PRKAG2: variants seen among roughly 807,000 people sequenced by gnomAD.
The protein encoded by PRKAG2 is protein kinase AMP-activated non-catalytic subunit gamma 2.
A neutral mutation model predicts 69.6 loss-of-function variants in PRKAG2; 26 were observed. That is an observed-to-expected ratio of 0.37 (90% CI 0.27 to 0.52). The LOEUF (loss-of-function observed/expected upper bound fraction) is 0.52. Ranked by LOEUF, PRKAG2 falls within the 20% of genes least tolerant of loss-of-function variation. The probability of loss-of-function intolerance (pLI) is 0.90; values close to 1 mark genes in which losing one functional copy is unlikely to be tolerated. For synonymous variants in PRKAG2, 293 were observed against 285.0 expected, an observed-to-expected ratio of 1.03 and a Z score of -0.28; for missense variants, 557 against 740.0, an observed-to-expected ratio of 0.75 and a Z score of 2.87.
At chr7:151,648,698 CT>C (rs1827961204) in intron 4 of PRKAG2, among the ~76,000 whole-genome samples, 2 of 152,128 alleles carry the variant, frequency 1.3e-5, no homozygotes, top group Admixed American at 1.3e-4. Context: ...GAGTCAAGTA[CT>C]GTAAAATAAT....
intron 1 of PRKAG2, among the ~76,000 whole-genome samples, chr7:151,858,577 T>A (rs2079842515): frequency 3.3e-5 from 5 of 152,124 alleles, no homozygotes; most frequent in Admixed American, 3.3e-4. Flanking sequence ...ACCACCCCTG[T>A]GCTACAGGAA....
rs1157767006 is a variant in PRKAG2 at position 151,719,311 on chromosome 7, G to T, written c.467-43674C>A. 1.3e-5 allele frequency among the ~76,000 whole-genome samples: 2 copies of T among 152,072 alleles called. No individual in the cohort carries two copies. The highest frequency in any genetic ancestry group is 4.8e-5 in the African/African-American group (2 of 41,424). On this transcript the variant is annotated intron_variant, in intron 3 of 15. Coordinates refer to ENST00000287878, the MANE Select transcript of PRKAG2 (RefSeq NM_016203.4). The surrounding 1 kb of genome is among the most constrained non-coding windows in gnomAD (Gnocchi z 5.2). ...ATCATACAAGTTCTTGGGCAAGTGG[G>T]ACTTTATGAAGGAGGTAGTCACAGA...
At chr7:151,687,901 C>T (rs972575243) in intron 3 of PRKAG2, among the ~76,000 whole-genome samples, 1 of 152,208 alleles carries the variant, frequency 6.6e-6, no homozygotes, top group Non-Finnish European at 1.5e-5. Context: ...GGCTGCCTCT[C>T]CGTGTCCACC....
intron 4 of PRKAG2, among the ~76,000 whole-genome samples, chr7:151,655,026 T>G (rs1194041046): frequency 1.3e-5 from 2 of 152,172 alleles, no homozygotes; most frequent in East Asian, 3.9e-4. Context: ...CTCTTGAAAA[T>G]GAAATATTCC....
At chr7:151,749,456 T>G (rs140819817) in intron 3 of PRKAG2, among the ~76,000 whole-genome samples, 1 of 152,204 alleles carries the variant, frequency 6.6e-6, no homozygotes, top group Non-Finnish European at 1.5e-5. Context: ...GAAGGTGACG[T>G]TGGTCATCAA....
intron 1 of PRKAG2, among the ~76,000 whole-genome samples, chr7:151,812,151 A>G (rs1356469293): frequency 6.6e-6 from 1 of 152,232 alleles, no homozygotes; most frequent in Non-Finnish European, 1.5e-5. Context: ...CTTCTAAGAA[A>G]TTAAGACCCC....
At chr7:151,683,110 C>A (rs1255023234) in intron 3 of PRKAG2, among the ~76,000 whole-genome samples, 1 of 152,252 alleles carries the variant, frequency 6.6e-6, no homozygotes, top group Non-Finnish European at 1.5e-5. Context: ...GGCAGCCAGG[C>A]CCAGTGAACA....
At chr7:151,778,831 ACTC>A (rs1189926894) in intron 3 of PRKAG2, among the ~76,000 whole-genome samples, 2 of 151,656 alleles carry the variant, frequency 1.3e-5, no homozygotes, top group African/African-American at 4.9e-5. Flanking sequence ...CCACCCATCC[ACTC>A]CTAATTCTTC....
chr7:151,806,302 TTTA>T (rs1405092869), intron 1 of PRKAG2, among the ~76,000 whole-genome samples: 1 of 152,224 alleles, frequency 6.6e-6, no homozygotes, highest in Non-Finnish European at 1.5e-5. Context: ...AACTTCCTCA[TTTA>T]TTATTAAAAG....
At chr7:151,573,200 C>T (rs1047598248) in intron 8 of PRKAG2, among the ~76,000 whole-genome samples, 1 of 151,022 alleles carries the variant, frequency 6.6e-6, no homozygotes, top group Non-Finnish European at 1.5e-5. Context: ...TTCTGTCATC[C>T]GGGCTGGAGT....
At chr7:151,790,858 C>T (rs1016469140) in intron 1 of PRKAG2, among the ~76,000 whole-genome samples, 18 of 152,314 alleles carry the variant, frequency 1.2e-4, no homozygotes, top group African/African-American at 4.3e-4. Context: ...CAACTGAGGC[C>T]GAGGAGGTTC....
At chr7:151,686,501 G>T (rs555145462) in intron 3 of PRKAG2, among the ~76,000 whole-genome samples, 14 of 152,246 alleles carry the variant, frequency 9.2e-5, no homozygotes, top group Admixed American at 3.3e-4. Context: ...GAAACGCCCT[G>T]GAATGATGCC....
At chr7:151,664,912 A>G (rs933642502) in intron 4 of PRKAG2, among the ~76,000 whole-genome samples, 1 of 152,146 alleles carries the variant, frequency 6.6e-6, no homozygotes. Context: ...TGCAGATTTT[A>G]TCTTGAGAAC....
Position 151,632,097 on chromosome 7 carries a change from C to A in PRKAG2, c.726G>T (p.Met242Ile). The A allele has an allele frequency of 7.1e-7, 1 of 1,417,222 alleles. No individual in the cohort carries two copies. The highest frequency in any genetic ancestry group is 1.5e-5 in the African/African-American group (1 of 67,550). The allele number at this position is 1,417,222 out of a possible 1,614,324, so 87.8% of individuals were successfully genotyped here. Reference sequence around the variant, plus strand: ...CGTCCTCGAACTCCAGCTTCTCCAGCATGCCGGCTTCCGCGGGTCCCAGGG... The same window carrying A: ...CGTCCTCGAACTCCAGCTTCTCCAGAATGCCGGCTTCCGCGGGTCCCAGGG... ...AAALGPAEAGMLEKLEFEDEA... is the reference protein window; with the variant it reads ...AAALGPAEAGILEKLEFEDEA... Residue 242 changes from methionine (M) to isoleucine (I), a missense_variant, in exon 5 of 16, where the codon ATG (methionine) becomes ATT (isoleucine). By Grantham distance (10) the Met-to-Ile change is conservative. Transcript: ENST00000287878. This position sits in a 1 kb window ranked among gnomAD's most constrained non-coding sequence, Gnocchi z 4.2.
intron 3 of PRKAG2, among the ~76,000 whole-genome samples, chr7:151,687,815 T>C (rs1834957724): frequency 6.6e-6 from 1 of 152,184 alleles, no homozygotes; most frequent in Non-Finnish European, 1.5e-5. Context: ...GAAGACCGTT[T>C]GTATGGGCGA....
intron 3 of PRKAG2, among the ~76,000 whole-genome samples, chr7:151,685,227 A>T (rs1834541109): frequency 6.6e-6 from 1 of 152,136 alleles, no homozygotes; most frequent in Non-Finnish European, 1.5e-5. Flanking sequence ...AGAATGATCC[A>T]TTCAACCTGA....
intron 1 of PRKAG2, among the ~76,000 whole-genome samples, chr7:151,789,555 GCCCCCT>G (rs2077172904): frequency 6.8e-6 from 1 of 146,226 alleles, no homozygotes; most frequent in African/African-American, 2.8e-5. Context: ...CATCACGTCA[GCCCCCT>G]GCTAAGGCCC....
intron 4 of PRKAG2, among the ~76,000 whole-genome samples, chr7:151,667,562 T>G (rs907672698): frequency 1.1e-4 from 16 of 152,318 alleles, no homozygotes; most frequent in African/African-American, 3.8e-4. Context: ...TTCATTTTGT[T>G]GGCCAAAGCA....
At chr7:151,676,912 T>C (rs1833031044) in intron 3 of PRKAG2, among the ~76,000 whole-genome samples, 1 of 152,170 alleles carries the variant, frequency 6.6e-6, no homozygotes, top group East Asian at 1.9e-4. Context: ...ATCGGAGCAA[T>C]GCAGCTGCAG....
Sources: allele counts gnomAD v4.1 joint callset (sites outside exome capture counted in the v4.1 genomes callset), GRCh38; gene constraint gnomAD v4.1.1; non-coding constraint Gnocchi (gnomAD v3.1); transcripts MANE v1.5; gene names NCBI Gene and HGNC (gene_info 2026-07-23, HGNC 2026-07-21).